Variants in FRMD4A observed in about 807,000 individuals in gnomAD.
FRMD4A encodes FERM domain containing 4A.
Under a neutral mutation model 129.1 loss-of-function variants are expected in FRMD4A, and 29 were observed. The ratio of observed to expected loss-of-function variants is 0.22; its 90% CI spans 0.17 to 0.31. The LOEUF is 0.31. Among genes scored for constraint, FRMD4A ranks in the 10% least tolerant of loss-of-function variants. The pLI is 1.00. For missense variants in FRMD4A, 1,272 were observed against 1,375.8 expected (o/e 0.92, Z 1.19); for synonymous variants, 634 against 571.6 (o/e 1.11, Z -1.56).
intron 17 of FRMD4A, chr10:13,668,441 C>T (rs1281988537): frequency 1.3e-5 from 2 of 152,246 alleles, no homozygotes; most frequent in East Asian, 3.8e-4. Flanking sequence ...ATGCCCTGTC[C>T]ATGCAAATGT....
At chr10:14,071,435 A>C (rs943650082) in intron 2 of FRMD4A, among the ~76,000 whole-genome samples, 1 of 152,232 alleles carries the variant, frequency 6.6e-6, no homozygotes, top group African/African-American at 2.4e-5. Flanking sequence ...GAGAAGCATG[A>C]GAAAACATTG....
intron 2 of FRMD4A, among the ~76,000 whole-genome samples, chr10:13,983,483 A>C (rs796932402): frequency 1.2e-4 from 18 of 152,274 alleles, no homozygotes; most frequent in African/African-American, 4.3e-4. Flanking sequence ...CGAGTCATCA[A>C]AAAAACCCAG....
chr10:13,899,772 C>T (rs989870926), intron 2 of FRMD4A, among the ~76,000 whole-genome samples: 1 of 152,182 alleles, frequency 6.6e-6, no homozygotes, highest in Non-Finnish European at 1.5e-5. Flanking sequence ...TGCTTGCCTG[C>T]CACAGGCTGT....
chr10:14,270,479 T>A (rs887663232), intron 2 of FRMD4A, among the ~76,000 whole-genome samples: 12 of 152,218 alleles, frequency 7.9e-5, no homozygotes, highest in Admixed American at 2.0e-4. Context: ...CCTATCCATC[T>A]TCTTAGTGGG....
chr10:13,692,152 T>G (rs2085764397), intron 15 of FRMD4A: 1 of 141,178 alleles, frequency 7.1e-6, no homozygotes, highest in African/African-American at 2.7e-5. Flanking sequence ...TTTTTTTTTT[T>G]TTTTTTTTTT....
rs747670552 is a variant in FRMD4A at position 13,645,817 on chromosome 10, G to A, written c.*1221C>T. The A allele has an allele frequency of 2.0e-5, 3 of 152,728 alleles. No homozygotes were observed. The highest frequency in any genetic ancestry group is 4.8e-5 in the African/African-American group (2 of 41,578). 9.5% of individuals were successfully genotyped at this position (152,728 alleles called of 1,614,324 possible). ...TGCTAACGAACAGAAAATGAGCCACGACAGTTAAACACTGAATGGATCGCA... is the reference window on the plus strand; with the variant it reads ...TGCTAACGAACAGAAAATGAGCCACAACAGTTAAACACTGAATGGATCGCA... On this transcript the variant is annotated 3_prime_UTR_variant, in exon 25 of 25. Coordinates refer to ENST00000357447, the MANE Select transcript of FRMD4A (RefSeq NM_018027.5).
At chr10:13,862,835 T>C (rs1355859949) in intron 2 of FRMD4A, among the ~76,000 whole-genome samples, 3 of 152,246 alleles carry the variant, frequency 2.0e-5, no homozygotes, top group Admixed American at 6.5e-5. Flanking sequence ...ATAGAAAGAA[T>C]TGACATCTGT....
rs1459152324 is a variant in FRMD4A at position 13,646,364 on chromosome 10, G to A, written c.*674C>T. Reference sequence around the variant, plus strand: ...CTTTGGCAGCATAGAACTGATTGTGGTCCTCCGATGCATTTCTGGTGTCGA... The same window carrying A: ...CTTTGGCAGCATAGAACTGATTGTGATCCTCCGATGCATTTCTGGTGTCGA... On this transcript the variant is annotated 3_prime_UTR_variant, in exon 25 of 25. Coordinates refer to ENST00000357447, the MANE Select transcript of FRMD4A (RefSeq NM_018027.5). The A allele has an allele frequency of 1.3e-5, 2 of 152,498 alleles. No individual in the cohort carries two copies. The highest frequency in any genetic ancestry group is 2.4e-5 in the African/African-American group (1 of 41,396). 9.4% of individuals were successfully genotyped at this position (152,498 alleles called of 1,614,324 possible).
chr10:13,947,017 G>A (rs886810366), intron 2 of FRMD4A, among the ~76,000 whole-genome samples: 4 of 152,148 alleles, frequency 2.6e-5, no homozygotes. Flanking sequence ...ACTTCAGAGA[G>A]GAGATTGTTG....
At chr10:13,975,009 A>T (rs2095536497) in intron 2 of FRMD4A, among the ~76,000 whole-genome samples, 2 of 150,982 alleles carry the variant, frequency 1.3e-5, no homozygotes, top group African/African-American at 4.9e-5. Flanking sequence ...GTGTGAGTGC[A>T]TGTGTGTGTC....
intron 2 of FRMD4A, among the ~76,000 whole-genome samples, chr10:14,053,543 C>T (rs1351855666): frequency 6.6e-6 from 1 of 152,176 alleles, no homozygotes; most frequent in Non-Finnish European, 1.5e-5. Context: ...ACACCTTGCC[C>T]ATTTTCCCTT....
intron 2 of FRMD4A, among the ~76,000 whole-genome samples, chr10:13,891,177 A>T (rs541204152): frequency 4.6e-5 from 7 of 152,106 alleles, no homozygotes; most frequent in Non-Finnish European, 8.8e-5. Context: ...TTGGAACGTA[A>T]AAAGCAGTCC....
At chr10:14,193,459 C>A (rs1842377671) in intron 2 of FRMD4A, among the ~76,000 whole-genome samples, 1 of 118,434 alleles carries the variant, frequency 8.4e-6, no homozygotes, top group Non-Finnish European at 1.6e-5. Context: ...TACATACATA[C>A]ACCCACCCAC....
chr10:13,884,231 CA>C lies in FRMD4A; in HGVS notation c.46-25320del, dbSNP rs1564972065. ...ACTCACACACACACACACACACACA[CA>C]CACACACACTCCCTAAAAGGCATCC... On this transcript the variant is annotated intron_variant, in intron 2 of 24. Transcript: ENST00000357447. Among the ~76,000 whole-genome samples the C allele has an allele frequency of 1.4e-4, 21 of 151,246 alleles. 1 individual carries two copies. The highest frequency in any genetic ancestry group is 3.9e-4 in the East Asian group (2 of 5,126).
intron 2 of FRMD4A, among the ~76,000 whole-genome samples, chr10:14,254,646 A>G (rs1477584586): frequency 6.6e-6 from 1 of 152,018 alleles, no homozygotes. Flanking sequence ...AGTATTTGCA[A>G]AAGAAATGCC....
chr10:13,821,074 G>A lies in FRMD4A; in HGVS notation c.112-10166C>T. On this transcript the variant is annotated intron_variant, in intron 3 of 24. Transcript: ENST00000357447. The surrounding 1 kb of genome is among the most constrained non-coding windows in gnomAD (Gnocchi z 4.3). ...TGTGTGTCCCTCTCCATCCCCATGG[G>A]GGCTCTGAGCCCAGCAATGGCTCAG... is the stretch of plus-strand genomic sequence containing the variant. Among the ~76,000 whole-genome samples the A allele has an allele frequency of 6.6e-6, 1 of 152,186 alleles. No individual in the cohort carries two copies. The highest frequency in any genetic ancestry group is 2.1e-4 in the South Asian group (1 of 4,824).
intron 8 of FRMD4A, among the ~76,000 whole-genome samples, chr10:13,749,562 T>C (rs75458028): frequency 0.013 from 2,020 of 152,176 alleles, 84 homozygotes; most frequent in South Asian, 0.12. Context: ...AGCGTCACCA[T>C]TGGATGCCCA....
chr10:13,666,086 T>C lies in FRMD4A; in HGVS notation c.1603+11A>G, dbSNP rs373416782. 3.9e-6 allele frequency: 6 copies of C among 1,555,640 alleles called. No individual in the cohort carries two copies. The highest frequency in any genetic ancestry group is 4.4e-6 in the Non-Finnish European group (5 of 1,126,896). On this transcript the variant is annotated intron_variant, in intron 18 of 24. Coordinates refer to ENST00000357447, the MANE Select transcript of FRMD4A (RefSeq NM_018027.5). ...TGGGAGTGGGGTGGGGGCAGCCCGG[T>C]TGGCACTGACCGTCTATGATCAGCG...
chr10:14,010,585 G>T (rs2457838), intron 2 of FRMD4A, among the ~76,000 whole-genome samples: 148,570 of 151,352 alleles, frequency 0.98, 72,936 homozygotes, highest in East Asian at 1. Context: ...AAAGGTTGCT[G>T]GTCCAAAAAT....
Sources: allele counts gnomAD v4.1 joint callset (sites outside exome capture counted in the v4.1 genomes callset), GRCh38; gene constraint gnomAD v4.1.1; non-coding constraint Gnocchi (gnomAD v3.1); transcripts MANE v1.5; gene names NCBI Gene and HGNC (gene_info 2026-07-23, HGNC 2026-07-21).